The following FREM2 variants were observed in gnomAD, a reference collection of about 807,000 sequenced individuals.
FREM2 encodes FRAS1 related extracellular matrix 2.
FREM2 carries 119 observed loss-of-function variants against 219.9 expected under a neutral mutation model. The observed-to-expected ratio is 0.54, with a 90% confidence interval of 0.47 to 0.63. FREM2 has a LOEUF of 0.63. Among genes scored for constraint, FREM2 ranks in the 30% least tolerant of loss-of-function variants. The pLI is 0.00. For synonymous variants in FREM2, 1,562 were observed against 1,522.8 expected, an observed-to-expected ratio of 1.03 and a Z score of -0.60; for missense variants, 4,030 against 3,993.6, an observed-to-expected ratio of 1.01 and a Z score of -0.25.
At chr13:38,822,347 C>CTTTTTTTT (rs951562767) in intron 6 of FREM2, among the ~76,000 whole-genome samples, 21 of 99,922 alleles carry the variant, frequency 2.1e-4, no homozygotes, top group Non-Finnish European at 3.4e-4. Flanking sequence ...TTCTTTCTTT[C>CTTTTTTTT]TTTTTTTTTT....
intron 2 of FREM2, among the ~76,000 whole-genome samples, chr13:38,708,433 C>G (rs1870626838): frequency 6.6e-6 from 1 of 152,122 alleles, no homozygotes; most frequent in African/African-American, 2.4e-5. Flanking sequence ...GAGGGCAGAT[C>G]ACTTGAGGTC....
chr13:38,808,679 C>T (rs548357688), intron 6 of FREM2, among the ~76,000 whole-genome samples: 83 of 151,890 alleles, frequency 5.5e-4, no homozygotes, highest in Non-Finnish European at 1.0e-3. Flanking sequence ...CTTCTATGGG[C>T]GCTGTTTGTG....
intron 4 of FREM2, among the ~76,000 whole-genome samples, chr13:38,775,565 T>C (rs1566137873): frequency 6.6e-6 from 1 of 152,188 alleles, no homozygotes; most frequent in Non-Finnish European, 1.5e-5. Context: ...AATTTCTCCA[T>C]TTACAAAACA....
chr13:38,878,994 C>T lies in FREM2; in HGVS notation c.9006+17C>T, dbSNP rs759667156. On this transcript the variant is annotated intron_variant, in intron 23 of 23. Coordinates refer to ENST00000280481, the MANE Select transcript of FREM2 (RefSeq NM_207361.6). ...CTCTTTCAGGTAGGCCAAAAACAAG[C>T]TCATTTGTAGTAGTTGTGTACCCAC... The T allele has an allele frequency of 1.7e-5, 28 of 1,613,398 alleles. No homozygotes were observed. In the Admixed American group the frequency reaches 2.8e-4, roughly 16 times the overall value.
chr13:38,883,559 T>C lies in FREM2; in HGVS notation c.*2772T>C, dbSNP rs1878624654. 3 of 152,192 alleles carry C rather than the reference T, an allele frequency of 2.0e-5. No homozygotes were observed. The highest frequency in any genetic ancestry group is 1.3e-4 in the Admixed American group (2 of 15,276). The allele number at this position is 152,192 out of a possible 1,614,324, so 9.4% of individuals were successfully genotyped here. ...ATGTGAATCATGAAGCACTGAAATATGTATTTTAATGATGATCTTATTTAT... is the reference window on the plus strand; with the variant it reads ...ATGTGAATCATGAAGCACTGAAATACGTATTTTAATGATGATCTTATTTAT... On this transcript the variant is annotated 3_prime_UTR_variant, in exon 24 of 24. Coordinates refer to ENST00000280481, the MANE Select transcript of FREM2 (RefSeq NM_207361.6).
At position 38,873,194 on chromosome 13, in the gene FREM2, G is replaced by A. The variant is rs150037318; in HGVS notation, c.8176+260G>A. Among the ~76,000 whole-genome samples the A allele has an allele frequency of 1.5e-3, 229 of 151,922 alleles. 3 individuals are homozygous for A. The highest frequency in any genetic ancestry group is 0.012 in the Admixed American group (180 of 15,246). Reference sequence around the variant, plus strand: ...ATTTTATCCTTGCGATCTATTTTAGGTGATTAATTATTTATGTGTTACATA... The same window carrying A: ...ATTTTATCCTTGCGATCTATTTTAGATGATTAATTATTTATGTGTTACATA... On this transcript the variant is annotated intron_variant, in intron 17 of 23. Transcript: ENST00000280481.
intron 22 of FREM2, 83 bp downstream of exon 22, chr13:38,878,404 G>T: frequency 1.4e-6 from 1 of 712,468 alleles, no homozygotes. Flanking sequence ...ACAAGGCTGG[G>T]CACAGTGGCC....
At chr13:38,718,928 A>G (rs1050517801) in intron 2 of FREM2, among the ~76,000 whole-genome samples, 3 of 152,218 alleles carry the variant, frequency 2.0e-5, no homozygotes, top group Non-Finnish European at 4.4e-5. Context: ...CTTAGGAAGA[A>G]ATTGAGTCTC....
chr13:38,791,059 G>A (rs1874539937), intron 6 of FREM2, among the ~76,000 whole-genome samples: 1 of 152,142 alleles, frequency 6.6e-6, no homozygotes, highest in East Asian at 1.9e-4. Flanking sequence ...GGCGATGACT[G>A]AAACAGCTTA....
At position 38,878,270 on chromosome 13, in the gene FREM2, A is replaced by C; in HGVS notation, c.8808A>C (p.Glu2936Asp). 6.2e-7 allele frequency: 1 copy of C among 1,613,888 alleles called. No individual in the cohort carries two copies. The highest frequency in any genetic ancestry group is 8.5e-7 in the Non-Finnish European group (1 of 1,179,930). Residue 2936 changes from glutamate (E) to aspartate (D), a missense_variant, in exon 22 of 24, where the codon GAA (glutamate) becomes GAC (aspartate). This residue lies in a region of FREM2 where 928 missense variants were observed against 1,042.9 expected (regional missense o/e 0.89). Transcript: ENST00000280481. ...YVPKYSPMNA[E>D]YGCLADSPSL... is the part of the protein sequence containing the mutation. ...CCAAGTATAGTCCAATGAATGCAGA[A>C]TATGGCTGCTTAGCCGACTCTCCTT...
intron 6 of FREM2, among the ~76,000 whole-genome samples, chr13:38,789,332 T>C (rs1291119992): frequency 6.6e-6 from 1 of 151,888 alleles, no homozygotes; most frequent in Non-Finnish European, 1.5e-5. Context: ...GTGTATATTA[T>C]CTACATTTTC....
rs758298337 is a variant in FREM2, at chr13:38,692,494, A to G, written c.5150A>G (p.His1717Arg). 6.2e-7 allele frequency: 1 copy of G among 1,612,228 alleles called. No homozygotes were observed. Reference protein sequence around the residue: ...GYLLNLDKGNHSITQFTQADI... With the variant: ...GYLLNLDKGNRSITQFTQADI... ...CTTCTCAACCTGGACAAAGGCAACC[A>G]CAGCATCACTCAGTTCACACAAGGT... The change falls in exon 1 of 24, where the codon CAC becomes CGC. Residue 1717 changes from histidine to arginine, a missense_variant. This residue lies in a region of FREM2 where 3,102 missense variants were observed against 2,950.7 expected (regional missense o/e 1.05). Transcript: ENST00000280481.
At chr13:38,729,770 C>G (rs1479518359) in intron 2 of FREM2, among the ~76,000 whole-genome samples, 1 of 152,098 alleles carries the variant, frequency 6.6e-6, no homozygotes. Flanking sequence ...GTAAATATGT[C>G]CTTTTCTAAG....
intron 1 of FREM2, among the ~76,000 whole-genome samples, chr13:38,693,719 C>A (rs1490007164): frequency 6.6e-6 from 1 of 152,196 alleles, no homozygotes; most frequent in East Asian, 1.9e-4. Context: ...TCTTAGATAA[C>A]AAATGCTTTA....
rs780740218 is a variant in FREM2, at chr13:38,692,305, G to T, written c.4961G>T (p.Ser1654Ile). Reference sequence around the variant, plus strand: ...ATCCAGGTCTTGGCTGTTGACAACAGTGTCCCCCAAATCGCAGTGAATAAG... The same window carrying T: ...ATCCAGGTCTTGGCTGTTGACAACATTGTCCCCCAAATCGCAGTGAATAAG... ...MKIQVLAVDN[S>I]VPQIAVNKGA... Residue 1654 changes from serine (S) to isoleucine (I), a missense_variant, in exon 1 of 24, where the codon AGT (serine) becomes ATT (isoleucine). Ser to Ile is a moderately radical substitution (Grantham distance 142). Coordinates refer to ENST00000280481, the MANE Select transcript of FREM2 (RefSeq NM_207361.6). 6.2e-7 allele frequency: 1 copy of T among 1,611,044 alleles called. No homozygotes were observed. Among genetic ancestry groups the T allele is most frequent in the Non-Finnish European group, 8.5e-7 (1 of 1,178,246 alleles).
chr13:38,693,582 T>C (rs754966778), intron 1 of FREM2, among the ~76,000 whole-genome samples: 1 of 152,188 alleles, frequency 6.6e-6, no homozygotes, highest in Non-Finnish European at 1.5e-5. Context: ...TTTGGGTTGC[T>C]TTCATGAAAA....
At chr13:38,795,940 G>A (rs1029570975) in intron 6 of FREM2, among the ~76,000 whole-genome samples, 1 of 152,156 alleles carries the variant, frequency 6.6e-6, no homozygotes, top group South Asian at 2.1e-4. Flanking sequence ...CCTTTTGGTG[G>A]CCAGATAGTA....
intron 11 of FREM2, among the ~76,000 whole-genome samples, chr13:38,855,583 C>G (rs898904078): frequency 6.6e-6 from 1 of 152,076 alleles, no homozygotes; most frequent in Non-Finnish European, 1.5e-5. Flanking sequence ...TTCCTAGCAA[C>G]CTGGATGGAA....
chr13:38,859,603 C>T lies in FREM2; in HGVS notation c.7519+13C>T. 1.2e-6 allele frequency: 2 copies of T among 1,611,582 alleles called. No individual in the cohort carries two copies. The highest frequency in any genetic ancestry group is 1.7e-6 in the Non-Finnish European group (2 of 1,178,650). On this transcript the variant is annotated intron_variant, in intron 14 of 23. Coordinates refer to ENST00000280481, the MANE Select transcript of FREM2 (RefSeq NM_207361.6). The stretch of plus-strand genomic sequence containing the variant: ...AGCAGAGAAGAAGGTCAGTCATTGC[C>T]ATTTTCCCCTGAAGATCACTGGAAT...
Sources: gnomAD v4.1 joint callset for allele counts (sites outside exome capture counted in the v4.1 genomes callset) on GRCh38, gnomAD v4.1.1 for gene constraint, gnomAD v4.1.1 regional missense constraint, MANE v1.5 for transcripts, NCBI Gene and HGNC (gene_info 2026-07-23, HGNC 2026-07-21) for gene names.